CTNNA3: variants seen among roughly 807,000 people sequenced by gnomAD.
The protein encoded by CTNNA3 is catenin alpha-3.
In CTNNA3, 76 loss-of-function variants were observed where a neutral mutation model predicts 95.7. The ratio of observed to expected loss-of-function variants is 0.79; its 90% CI spans 0.66 to 0.96. CTNNA3 has a LOEUF of 0.96. CTNNA3 is among the 40% of genes least tolerant of loss of function. The probability of loss-of-function intolerance (pLI) is 0.00; values close to 1 mark genes in which losing one functional copy is unlikely to be tolerated. For synonymous variants in CTNNA3, 431 were observed against 374.4 expected, an observed-to-expected ratio of 1.15 and a Z score of -1.74; for missense variants, 1,191 against 1,089.8, an observed-to-expected ratio of 1.09 and a Z score of -1.31.
chr10:67,340,986 G>A, intron 5 of CTNNA3, among the ~76,000 whole-genome samples: 1 of 152,116 alleles, frequency 6.6e-6, no homozygotes, highest in East Asian at 1.9e-4. Context: ...GGAGTGTTAA[G>A]TCCTCGAGGA....
At chr10:67,698,029 G>A (rs368543960), upstream of CTNNA3, among the ~76,000 whole-genome samples, 2 of 152,182 alleles carry the variant, frequency 1.3e-5, no homozygotes, top group East Asian at 3.8e-4. Context: ...AGGCTAAATA[G>A]TTCCTGTAAA....
At chr10:66,970,669 CATA>C (rs1849670385) in intron 7 of CTNNA3, among the ~76,000 whole-genome samples, 1 of 152,254 alleles carries the variant, frequency 6.6e-6, no homozygotes, top group Non-Finnish European at 1.5e-5. Context: ...TCTGCATCTA[CATA>C]ATGACACTAT....
chr10:66,992,476 T>C (rs1315804245), intron 7 of CTNNA3, among the ~76,000 whole-genome samples: 4 of 152,084 alleles, frequency 2.6e-5, no homozygotes, highest in Admixed American at 6.6e-5. Flanking sequence ...TAAAAAATTC[T>C]TTGTCAGTTC....
At chr10:66,692,501 G>A (rs1847587723) in intron 9 of CTNNA3, among the ~76,000 whole-genome samples, 1 of 152,134 alleles carries the variant, frequency 6.6e-6, no homozygotes, top group Non-Finnish European at 1.5e-5. Context: ...GTACCTGAAA[G>A]TGACGGGGAG....
intron 7 of CTNNA3, chr10:67,098,501 C>T (rs778875851): frequency 6.6e-6 from 1 of 152,146 alleles, no homozygotes; most frequent in African/African-American, 2.4e-5. Context: ...AGTTCTCAGA[C>T]TTAACTGTTG....
chr10:67,731,795 C>A (rs1441942720), intron 1 of CTNNA3, among the ~76,000 whole-genome samples: 1 of 141,262 alleles, frequency 7.1e-6, no homozygotes, highest in Non-Finnish European at 1.5e-5. Flanking sequence ...TGCAAGACTC[C>A]GTCTCAAAAA....
At chr10:67,358,280 A>G (rs1842884769) in intron 5 of CTNNA3, among the ~76,000 whole-genome samples, 1 of 152,162 alleles carries the variant, frequency 6.6e-6, no homozygotes, top group African/African-American at 2.4e-5. Flanking sequence ...GGACTTCATC[A>G]ACACTAAAAC....
intron 7 of CTNNA3, among the ~76,000 whole-genome samples, chr10:66,798,339 T>G (rs1425516152): frequency 6.6e-6 from 1 of 151,802 alleles, no homozygotes; most frequent in African/African-American, 2.4e-5. Context: ...CTGTTTAGAT[T>G]TATTAACTAT....
At chr10:66,258,050 T>C (rs943346542) in intron 13 of CTNNA3, among the ~76,000 whole-genome samples, 1 of 152,162 alleles carries the variant, frequency 6.6e-6, no homozygotes, top group Non-Finnish European at 1.5e-5. Flanking sequence ...ACTTGAACAA[T>C]TCTGCCCCAG....
rs894880127 is a variant in CTNNA3 at position 65,919,426 on chromosome 10, A to G, written c.*904T>C. ...CCATTTTCCTTTTAATTACAATTGCAAGCTGATAAAAATGTATTTTTATGT... is the reference window on the plus strand; with the variant it reads ...CCATTTTCCTTTTAATTACAATTGCGAGCTGATAAAAATGTATTTTTATGT... On this transcript the variant is annotated 3_prime_UTR_variant, in exon 18 of 18. Transcript: ENST00000433211. 2 of 152,200 alleles carry G rather than the reference A, an allele frequency of 1.3e-5. No homozygotes were observed. Among genetic ancestry groups the G allele is most frequent in the African/African-American group, 4.8e-5 (2 of 41,458 alleles). 9.4% of individuals were successfully genotyped at this position (152,200 alleles called of 1,614,324 possible). A position where few individuals can be genotyped will look rare whatever the true frequency, so the allele number is the denominator to read the frequency against.
chr10:66,943,330 A>C (rs187165301), intron 7 of CTNNA3, among the ~76,000 whole-genome samples: 49 of 152,244 alleles, frequency 3.2e-4, no homozygotes, highest in Admixed American at 1.8e-3. Context: ...GTTAAATCTT[A>C]TTAGATTTTT....
chr10:67,073,226 T>A (rs1040678901), intron 7 of CTNNA3, among the ~76,000 whole-genome samples: 2 of 152,338 alleles, frequency 1.3e-5, no homozygotes, highest in Middle Eastern at 3.4e-3. Flanking sequence ...TCCTATGACC[T>A]ACTTGAAAAT....
upstream of CTNNA3, among the ~76,000 whole-genome samples, chr10:67,698,177 C>T (rs1230813763): frequency 6.6e-6 from 1 of 151,588 alleles, no homozygotes; most frequent in African/African-American, 2.4e-5. Flanking sequence ...ACTTTGCAAA[C>T]TTTAAAATTT....
At chr10:66,980,145 G>A (rs1850329468) in intron 7 of CTNNA3, among the ~76,000 whole-genome samples, 1 of 152,164 alleles carries the variant, frequency 6.6e-6, no homozygotes, top group East Asian at 1.9e-4. Flanking sequence ...TCTGAGCCAG[G>A]AAGGCAGACA....
At chr10:65,937,009 G>A (rs983422117) in intron 17 of CTNNA3, among the ~76,000 whole-genome samples, 1 of 151,574 alleles carries the variant, frequency 6.6e-6, no homozygotes, top group African/African-American at 2.4e-5. Context: ...ATAAACATTT[G>A]TTATAGTCTG....
intron 17 of CTNNA3, among the ~76,000 whole-genome samples, chr10:65,952,150 T>G (rs1000847920): frequency 6.6e-6 from 1 of 152,100 alleles, no homozygotes; most frequent in Non-Finnish European, 1.5e-5. Flanking sequence ...TATAACTGAA[T>G]GCATTGCACA....
At chr10:67,538,659 T>C (rs1357925216) in intron 4 of CTNNA3, among the ~76,000 whole-genome samples, 2 of 151,566 alleles carry the variant, frequency 1.3e-5, no homozygotes, top group African/African-American at 4.8e-5. Flanking sequence ...TTAGAGAAAA[T>C]GATTTTGACA....
intron 16 of CTNNA3, among the ~76,000 whole-genome samples, chr10:65,979,160 T>C (rs1253825810): frequency 6.6e-6 from 1 of 152,176 alleles, no homozygotes; most frequent in Non-Finnish European, 1.5e-5. Context: ...TTAAGAATTG[T>C]TTCAAATTCC....
chr10:67,443,764 G>A (rs1846628881), intron 5 of CTNNA3, among the ~76,000 whole-genome samples: 1 of 152,002 alleles, frequency 6.6e-6, no homozygotes. Context: ...CACTCTGATG[G>A]TAGTTTCTTT....
Sources: allele counts gnomAD v4.1 joint callset (sites outside exome capture counted in the v4.1 genomes callset), GRCh38; gene constraint gnomAD v4.1.1; transcripts MANE v1.5; gene names NCBI Gene and HGNC (gene_info 2026-07-23, HGNC 2026-07-21).